The following ZIC5 variants were observed in gnomAD, a reference collection of about 807,000 sequenced individuals.
ZIC5 encodes the protein Zic family zinc finger 5, also known as zinc finger protein ZIC 5.
A neutral mutation model predicts 28.5 loss-of-function variants in ZIC5; 20 were observed. That is an observed-to-expected ratio of 0.70 (90% confidence interval 0.49 to 1.02). ZIC5 has a LOEUF of 1.02. Ranked by LOEUF, ZIC5 falls within the 50% of genes least tolerant of loss-of-function variation. ZIC5 has a pLI of 0.00. For synonymous variants in ZIC5, 488 were observed against 410.4 expected (o/e 1.19, Z -2.29); for missense variants, 951 against 899.7 (o/e 1.06, Z -0.73).
Position 99,965,442 on chromosome 13 carries a change from T to A in ZIC5, c.1855A>T (p.Thr619Ser). Residue 619 changes from threonine (T) to serine (S), a missense_variant, in exon 2 of 2, where the codon ACC becomes TCC. Physicochemically the swap from Thr to Ser is moderately conservative, Grantham distance 58. Coordinates refer to ENST00000267294, the MANE Select transcript of ZIC5 (RefSeq NM_033132.5). ...SHLHTPSSNG[T>S]TSETEDEEIY... ...TCCTCATCTTCAGTCTCAGAGGTGG[T>A]TCCGTTGCTGGAAGGGGTGTGGAGG... 6.2e-7 allele frequency: 1 copy of A among 1,614,126 alleles called. No individual in the cohort carries two copies. The highest frequency in any genetic ancestry group is 1.6e-4 in the Middle Eastern group (1 of 6,062).
chr13:99,970,311 C>G lies in ZIC5; in HGVS notation c.1293G>C (p.Gln431His). 6.2e-7 allele frequency: 1 copy of G among 1,613,422 alleles called. No homozygotes were observed. The highest frequency in any genetic ancestry group is 8.5e-7 in the Non-Finnish European group (1 of 1,179,788). The change falls in exon 1 of 2, where the codon CAG (glutamine) becomes CAC (histidine). Residue 431 changes from glutamine (Q) to histidine (H), a missense_variant. Gln to His is a conservative substitution (Grantham distance 24). Around this residue, in one of 3 missense-constraint regions of ZIC5, gnomAD observed 784 missense variants for 660.1 expected, o/e 1.19. Transcript: ENST00000267294. ...CCTCCCAGAAGCAGACGTGGCTGCT[C>G]TGCTCGGGGCCTCCCACGTGCTCCA... is the stretch of plus-strand genomic sequence containing the variant. Reference protein sequence around the residue: ...VTVEHVGGPEQSSHVCFWEDC... With the variant: ...VTVEHVGGPEHSSHVCFWEDC...
chr13:99,969,830 G>C (rs1272204427), intron 1 of ZIC5, among the ~76,000 whole-genome samples: 1 of 152,150 alleles, frequency 6.6e-6, no homozygotes, highest in Non-Finnish European at 1.5e-5. Context: ...CGGCGGCGGC[G>C]GCTGGCGCGC....
rs35260873 is a variant in ZIC5, at chr13:99,965,021, G to GTATATATATA, written c.*346_*355dup. ...TAAAAAAAATAATATATATATATAT[G>GTATATATATA]TATATATATATATATATATATATTG... On this transcript the variant is annotated 3_prime_UTR_variant, in exon 2 of 2. Coordinates refer to ENST00000267294, the MANE Select transcript of ZIC5 (RefSeq NM_033132.5). The GTATATATATA allele has an allele frequency of 2.9e-5, 4 of 136,062 alleles. No homozygotes were observed. Among genetic ancestry groups the GTATATATATA allele is most frequent in the African/African-American group, 1.1e-4 (4 of 36,690 alleles). The allele number at this position is 136,062 out of a possible 1,614,324, so 8.4% of individuals were successfully genotyped here.
chr13:99,963,563 C>T lies in ZIC5; in HGVS notation c.*1814G>A, dbSNP rs1332167224. The T allele has an allele frequency of 1.3e-5, 2 of 152,372 alleles. No homozygotes were observed. Among genetic ancestry groups the T allele is most frequent in the African/African-American group, 4.8e-5 (2 of 41,354 alleles). The allele number at this position is 152,372 out of a possible 1,614,324, so 9.4% of individuals were successfully genotyped here. ...AATATATCTATAAACTATATATAAT[C>T]TTATCAACACAATGCAAAAAAGACA... On this transcript the variant is annotated 3_prime_UTR_variant, in exon 2 of 2. Transcript: ENST00000267294.
At chr13:99,971,767 T>TA, upstream of ZIC5, 1 of 1,491,858 alleles carries the variant, frequency 6.7e-7, no homozygotes, top group Non-Finnish European at 9.1e-7. Flanking sequence ...ATTGGCAGAG[T>TA]GAACACCACA....
In ZIC5 at chr13:99,965,580, C is replaced by T. The variant is rs760628255; in HGVS notation, c.1717G>A (p.Ala573Thr). 1.1e-5 allele frequency: 18 copies of T among 1,613,672 alleles called. No individual in the cohort carries two copies. Among genetic ancestry groups the T allele is most frequent in the East Asian group, 6.7e-5 (3 of 44,874 alleles). ...GGGTCCAGCACAGGGGACAAGGGGGCGCCCACTGGAGTCCCCACTGATGAG... is the reference window on the plus strand; with the variant it reads ...GGGTCCAGCACAGGGGACAAGGGGGTGCCCACTGGAGTCCCCACTGATGAG... ...GYSSVGTPVG[A>T]PLSPVLDPAR... is the part of the protein sequence containing the mutation. The change falls in exon 2 of 2, where the codon GCC (alanine) becomes ACC (threonine). Residue 573 changes from alanine to threonine, a missense_variant. Physicochemically the swap from Ala to Thr is moderately conservative, Grantham distance 58. Transcript: ENST00000267294.
Position 99,965,699 on chromosome 13 carries a change from C to A in ZIC5, c.1598G>T (p.Gly533Val), listed in dbSNP as rs1324354293. Reference sequence around the variant, plus strand: ...TGGGTGAGTGTAGGATTTGTCACAGCCTCGAATCTTGCAGTAGTAGGGCTT... The same window carrying A: ...TGGGTGAGTGTAGGATTTGTCACAGACTCGAATCTTGCAGTAGTAGGGCTT... ...SDKPYYCKIR[G>V]CDKSYTHPSS... The change falls in exon 2 of 2, where the codon GGC becomes GTC. Residue 533 changes from glycine to valine, a missense_variant. Coordinates refer to ENST00000267294, the MANE Select transcript of ZIC5 (RefSeq NM_033132.5). 6.2e-7 allele frequency: 1 copy of A among 1,614,194 alleles called. No homozygotes were observed. The highest frequency in any genetic ancestry group is 1.3e-5 in the African/African-American group (1 of 75,042).
At chr13:99,967,556 G>C (rs2053109290) in intron 1 of ZIC5, among the ~76,000 whole-genome samples, 1 of 152,178 alleles carries the variant, frequency 6.6e-6, no homozygotes, top group South Asian at 2.1e-4. Flanking sequence ...ATATGGAGGC[G>C]TAATTACATG....
chr13:99,971,001 G>A lies in ZIC5; in HGVS notation c.603C>T (p.Thr201=), dbSNP rs1050811939. 2.1e-6 allele frequency: 3 copies of A among 1,405,854 alleles called. No individual in the cohort carries two copies. Among genetic ancestry groups the A allele is most frequent in the African/African-American group, 1.5e-5 (1 of 65,384 alleles). 87.1% of individuals were successfully genotyped at this position (1,405,854 alleles called of 1,614,324 possible). ...GCGGGGCCGGGTGCTGGGGGGAGCC[G>A]GTGCCGGACCGCTGCTCCCCTCCGA... ...APLGGEQRSG[T]GSPQHPAPPP... is the part of the protein sequence containing the mutation. Residue 201 remains threonine, a synonymous_variant, in exon 1 of 2, where the codon ACC becomes ACT. Transcript: ENST00000267294.
At chr13:99,967,890 T>C (rs1052324778) in intron 1 of ZIC5, among the ~76,000 whole-genome samples, 2 of 152,208 alleles carry the variant, frequency 1.3e-5, no homozygotes, top group East Asian at 3.9e-4. Flanking sequence ...GAGACCTCAG[T>C]GTTTACATTT....
intron 1 of ZIC5, 141 bp from the exon 2 acceptor site, chr13:99,965,960 A>C: frequency 1.1e-6 from 1 of 930,648 alleles, no homozygotes; most frequent in East Asian, 2.6e-5. Context: ...CTAATTCACA[A>C]AAGGGAAGGG....
In ZIC5 at chr13:99,971,316, G is replaced by T. The variant is rs944584269; in HGVS notation, c.288C>A (p.Ala96=). The T allele has an allele frequency of 7.3e-7, 1 of 1,371,960 alleles. No individual in the cohort carries two copies. 85.0% of individuals were successfully genotyped at this position (1,371,960 alleles called of 1,614,324 possible). Residue 96 remains alanine, a synonymous_variant, in exon 1 of 2, where the codon GCC becomes GCA. Transcript: ENST00000267294. ...AFPAHPEAPA[A]AARAAALVAH... Reference sequence around the variant, plus strand: ...CGACCAAGGCTGCAGCACGGGCGGCGGCTGCCGGAGCCTCCGGGTGTGCCG... The same window carrying T: ...CGACCAAGGCTGCAGCACGGGCGGCTGCTGCCGGAGCCTCCGGGTGTGCCG...
chr13:99,967,616 G>C (rs990499648), intron 1 of ZIC5, among the ~76,000 whole-genome samples: 1 of 152,180 alleles, frequency 6.6e-6, no homozygotes, highest in Non-Finnish European at 1.5e-5. Flanking sequence ...TTTGAGCATG[G>C]TCGTTTCTGT....
intron 1 of ZIC5, 97 bp downstream of exon 1, chr13:99,970,030 A>C (rs2053135370): frequency 6.4e-7 from 1 of 1,560,420 alleles, no homozygotes; most frequent in Non-Finnish European, 8.7e-7. Context: ...GAAAAAAATT[A>C]AGGCGAGCAG....
chr13:99,971,315 C>T lies in ZIC5; in HGVS notation c.289G>A (p.Ala97Thr), dbSNP rs1361595536. Residue 97 changes from alanine to threonine, a missense_variant, in exon 1 of 2, where the codon GCC (alanine) becomes ACC (threonine). Ala to Thr is a moderately conservative substitution (Grantham distance 58). Transcript: ENST00000267294. ...GCGACCAAGGCTGCAGCACGGGCGG[C>T]GGCTGCCGGAGCCTCCGGGTGTGCC... ...FPAHPEAPAA[A>T]ARAAALVAHP... is the part of the protein sequence containing the mutation. 3 of 1,370,728 alleles carry T rather than the reference C, an allele frequency of 2.2e-6. No individual in the cohort carries two copies. Among genetic ancestry groups the T allele is most frequent in the Non-Finnish European group, 2.8e-6 (3 of 1,072,710 alleles). 84.9% of individuals were successfully genotyped at this position (1,370,728 alleles called of 1,614,324 possible).
Position 99,970,431 on chromosome 13 carries a change from C to T in ZIC5, c.1173G>A (p.Pro391=), listed in dbSNP as rs1161625309. The T allele has an allele frequency of 2.0e-5, 20 of 1,015,444 alleles. No homozygotes were observed. The African/African-American group carries it at 2.4e-4, about 12-fold the overall frequency. 62.9% of individuals were successfully genotyped at this position (1,015,444 alleles called of 1,614,324 possible). Residue 391 remains proline, a synonymous_variant, in exon 1 of 2, where the codon CCG becomes CCA. Coordinates refer to ENST00000267294, the MANE Select transcript of ZIC5 (RefSeq NM_033132.5). ...GGGGCGGTGGCGGCGGCGGCGGCGG[C>T]GGCGGCGGCGGCGGCGGCAGCCCGG... ...ELAGLPPPPP[P]PPPPPPPPPA... is the part of the protein sequence containing the mutation.
intron 1 of ZIC5, 94 bp from the exon 2 acceptor site, chr13:99,965,913 T>G (rs781559347): frequency 2.2e-6 from 3 of 1,345,050 alleles, no homozygotes; most frequent in Non-Finnish European, 3.0e-6. Flanking sequence ...GTTTTTCCTA[T>G]TCTCCCAGAG....
chr13:99,970,120 C>A lies in ZIC5; in HGVS notation c.1477+7G>T. Reference sequence around the variant, plus strand: ...CGGCGGCGGCGCGGCCGGGGACAGACACCCACCTGTATGAGTACGCTTGTG... The same window carrying A: ...CGGCGGCGGCGCGGCCGGGGACAGAAACCCACCTGTATGAGTACGCTTGTG... On this transcript the variant is annotated splice_region_variant and intron_variant, in intron 1 of 1. Transcript: ENST00000267294. The A allele has an allele frequency of 6.3e-7, 1 of 1,597,504 alleles. No individual in the cohort carries two copies. Among genetic ancestry groups the A allele is most frequent in the East Asian group, 2.3e-5 (1 of 43,908 alleles).
intron 1 of ZIC5, among the ~76,000 whole-genome samples, chr13:99,969,185 G>C (rs1225186340): frequency 1.3e-5 from 2 of 152,182 alleles, no homozygotes; most frequent in Non-Finnish European, 2.9e-5. Context: ...AGCGCTGTGG[G>C]ATCCCCAGAG....
Sources: allele counts gnomAD v4.1 joint callset (sites outside exome capture counted in the v4.1 genomes callset), GRCh38; gene constraint gnomAD v4.1.1; regional missense constraint gnomAD v4.1.1; transcripts MANE v1.5; gene names NCBI Gene and HGNC (gene_info 2026-07-23, HGNC 2026-07-21).